The following DSCAM variants were observed in gnomAD, a reference collection of about 807,000 sequenced individuals.
DSCAM encodes cell adhesion molecule DSCAM.
Under a neutral mutation model 217.7 loss-of-function variants are expected in DSCAM, and 47 were observed. The observed-to-expected ratio is 0.22, with a 90% CI of 0.17 to 0.28. The LOEUF (loss-of-function observed/expected upper bound fraction) is 0.28, where lower values mean the gene tolerates loss of function less well. Ranked by LOEUF, DSCAM falls within the 10% of genes least tolerant of loss-of-function variation. The pLI is 1.00. For missense variants in DSCAM, 2,080 were observed against 2,618.3 expected (o/e 0.79, Z 4.49); for synonymous variants, 1,056 against 1,015.3 (o/e 1.04, Z -0.76).
chr21:40,429,359 C>T lies in DSCAM; in HGVS notation c.509-60114G>A, dbSNP rs565687900. 8.6e-5 allele frequency among the ~76,000 whole-genome samples: 13 copies of T among 151,892 alleles called. No individual in the cohort carries two copies. The South Asian group carries it at 1.3e-3, about 15-fold the overall frequency. ...TCGGCTCACTGCAACCTCTGTCTCCCGAGTTCAAGCAATTCTCCTGCCTCA... is the reference window on the plus strand; with the variant it reads ...TCGGCTCACTGCAACCTCTGTCTCCTGAGTTCAAGCAATTCTCCTGCCTCA... On this transcript the variant is annotated intron_variant, in intron 3 of 32. Transcript: ENST00000400454.
chr21:40,652,655 C>T (rs2090029745), intron 3 of DSCAM, among the ~76,000 whole-genome samples: 1 of 152,184 alleles, frequency 6.6e-6, no homozygotes. Context: ...AAGGGTTAAT[C>T]CCACAGGCTT....
chr21:40,339,284 G>C lies in DSCAM; in HGVS notation c.1342C>G (p.Leu448Val), dbSNP rs1424235461. 2 of 1,614,040 alleles carry C rather than the reference G, an allele frequency of 1.2e-6. No individual in the cohort carries two copies. Among genetic ancestry groups the C allele is most frequent in the African/African-American group, 2.7e-5 (2 of 74,920 alleles). Reference sequence around the variant, plus strand: ...CTGATGCGGTGACTGCCACCCTTGAGAATCGGGTCATCGTCCAGGGTCCAC... The same window carrying C: ...CTGATGCGGTGACTGCCACCCTTGACAATCGGGTCATCGTCCAGGGTCCAC... ...ITWTLDDDPI[L>V]KGGSHRISQM... The change falls in exon 7 of 33, where the codon CTC (leucine) becomes GTC (valine). Residue 448 changes from leucine (L) to valine (V), a missense_variant. This residue lies in a region of DSCAM where 568 missense variants were observed against 678.1 expected (regional missense o/e 0.84). Coordinates refer to ENST00000400454, the MANE Select transcript of DSCAM (RefSeq NM_001389.5).
chr21:40,070,002 C>T (rs2089267623), intron 27 of DSCAM, among the ~76,000 whole-genome samples: 2 of 152,154 alleles, frequency 1.3e-5, no homozygotes, highest in East Asian at 3.9e-4. Context: ...CCACAATCCC[C>T]TCCTGACTAC....
intron 11 of DSCAM, among the ~76,000 whole-genome samples, chr21:40,208,041 G>A (rs565920519): frequency 6.6e-6 from 1 of 152,230 alleles, no homozygotes; most frequent in East Asian, 1.9e-4. Context: ...AATTTTAGGG[G>A]GAGACACAAG....
intron 3 of DSCAM, among the ~76,000 whole-genome samples, chr21:40,658,691 C>T (rs538359972): frequency 2.0e-5 from 3 of 151,586 alleles, no homozygotes; most frequent in Non-Finnish European, 4.4e-5. Flanking sequence ...TAGAGAAACA[C>T]AAGTGAAAGA....
At position 40,013,329 on chromosome 21, in the gene DSCAM, C is replaced by T; in HGVS notation, c.5744G>A (p.Gly1915Asp). The T allele has an allele frequency of 6.2e-7, 1 of 1,606,998 alleles. No individual in the cohort carries two copies. The highest frequency in any genetic ancestry group is 1.3e-5 in the African/African-American group (1 of 74,726). The change falls in exon 33 of 33, where the codon GGT (glycine) becomes GAT (aspartate). Residue 1915 changes from glycine (G) to aspartate (D), a missense_variant. Gly to Asp is a moderately conservative substitution (Grantham distance 94). Around this residue, in one of 5 missense-constraint regions of DSCAM, gnomAD observed 145 missense variants for 138.5 expected, o/e 1.05. Transcript: ENST00000400454. ...GCTCAGGTCCCTGCTGGTGCCTGGACCACCTCGGTTTAACAAAAAGTCCAT... is the reference window on the plus strand; with the variant it reads ...GCTCAGGTCCCTGCTGGTGCCTGGATCACCTCGGTTTAACAAAAAGTCCAT... ...LRMDFLLNRG[G>D]PGTSRDLSLG...
At chr21:40,418,929 T>C (rs999624188) in intron 3 of DSCAM, among the ~76,000 whole-genome samples, 1 of 152,094 alleles carries the variant, frequency 6.6e-6, no homozygotes, top group African/African-American at 2.4e-5. Context: ...TTTCCAAAAA[T>C]TCCAGGAATT....
chr21:40,209,037 C>T (rs1265632499), intron 11 of DSCAM, among the ~76,000 whole-genome samples: 1 of 152,186 alleles, frequency 6.6e-6, no homozygotes, highest in Admixed American at 6.5e-5. Context: ...ATTTTGAGAA[C>T]TCGCATTCAG....
chr21:40,565,612 C>T (rs1365704464), intron 3 of DSCAM, among the ~76,000 whole-genome samples: 5 of 152,172 alleles, frequency 3.3e-5, no homozygotes, highest in African/African-American at 1.2e-4. Flanking sequence ...ATCATCAGCA[C>T]CCACATGTTC....
chr21:40,059,738 G>GACCT (rs1405115650), intron 28 of DSCAM, among the ~76,000 whole-genome samples: 2 of 152,164 alleles, frequency 1.3e-5, no homozygotes, highest in Non-Finnish European at 2.9e-5. Context: ...GCGGTAAAAT[G>GACCT]ACCTACTAAG....
chr21:40,726,754 C>T (rs1272589519), intron 1 of DSCAM, among the ~76,000 whole-genome samples: 1 of 152,094 alleles, frequency 6.6e-6, no homozygotes, highest in East Asian at 1.9e-4. Flanking sequence ...ATTTAATCCC[C>T]AATGTGGCAG....
chr21:40,699,026 T>C (rs974967984), intron 2 of DSCAM, among the ~76,000 whole-genome samples: 3 of 152,192 alleles, frequency 2.0e-5, no homozygotes, highest in Admixed American at 6.5e-5. Context: ...GTTGAAGATT[T>C]GTGGAAACCC....
chr21:40,312,042 A>C lies in DSCAM; in HGVS notation c.2062+39T>G, dbSNP rs16999660. On this transcript the variant is annotated intron_variant, in intron 9 of 32. Coordinates refer to ENST00000400454, the MANE Select transcript of DSCAM (RefSeq NM_001389.5). ...ATCATCTTAAACCATTGTTAAATCA[A>C]CTCTACAGATGCCACATGGCTCATG... is the stretch of plus-strand genomic sequence containing the variant. 1.9e-6 allele frequency: 3 copies of C among 1,597,586 alleles called. No individual in the cohort carries two copies. The African/African-American group carries it at 4.1e-5, about 22-fold the overall frequency.
At chr21:40,520,362 T>A (rs554156694) in intron 3 of DSCAM, among the ~76,000 whole-genome samples, 1 of 152,200 alleles carries the variant, frequency 6.6e-6, no homozygotes, top group Non-Finnish European at 1.5e-5. Context: ...TTCAATGCAA[T>A]GCTATTATCT....
chr21:40,019,805 C>A (rs1334566941), intron 32 of DSCAM, among the ~76,000 whole-genome samples: 4 of 152,208 alleles, frequency 2.6e-5, no homozygotes, highest in Non-Finnish European at 5.9e-5. Context: ...GTACTTGTTT[C>A]AGTAAAACCA....
chr21:40,301,817 C>A (rs924563929), intron 9 of DSCAM, among the ~76,000 whole-genome samples: 2 of 152,174 alleles, frequency 1.3e-5, no homozygotes, highest in Non-Finnish European at 2.9e-5. Flanking sequence ...GGAAACGGAG[C>A]ATGGCTAAGT....
chr21:40,742,935 TCCCC>T (rs1569013977), intron 1 of DSCAM, among the ~76,000 whole-genome samples: 1 of 152,210 alleles, frequency 6.6e-6, no homozygotes, highest in Non-Finnish European at 1.5e-5. Flanking sequence ...TTAAGCAGTA[TCCCC>T]TAAATTACCC....
At chr21:40,174,980 C>T (rs1453122768) in intron 15 of DSCAM, among the ~76,000 whole-genome samples, 2 of 152,212 alleles carry the variant, frequency 1.3e-5, no homozygotes, top group Admixed American at 6.5e-5. Flanking sequence ...CATCTTCTTT[C>T]CTCTCAGCCT....
At chr21:40,591,156 C>T (rs2076981786) in intron 3 of DSCAM, among the ~76,000 whole-genome samples, 1 of 152,162 alleles carries the variant, frequency 6.6e-6, no homozygotes. Context: ...TTCCTGCCAC[C>T]TTGTGAAGAA....
Sources: allele counts gnomAD v4.1 joint callset (sites outside exome capture counted in the v4.1 genomes callset), GRCh38; gene constraint gnomAD v4.1.1; regional missense constraint gnomAD v4.1.1; transcripts MANE v1.5; gene names NCBI Gene and HGNC (gene_info 2026-07-23, HGNC 2026-07-21).